FAM186A: variants seen among roughly 807,000 people sequenced by gnomAD.
The protein encoded by FAM186A is family with sequence similarity 186 member A.
A neutral mutation model predicts 216.8 loss-of-function variants in FAM186A; 163 were observed. The observed-to-expected ratio is 0.75, with a 90% CI of 0.66 to 0.86. FAM186A has a LOEUF of 0.86. Among genes scored for constraint, FAM186A ranks in the 40% least tolerant of loss-of-function variants. The pLI is 0.00. For missense variants in FAM186A, 2,184 were observed against 2,746.2 expected (o/e 0.80, Z 4.58); for synonymous variants, 805 against 1,025.3 (o/e 0.79, Z 4.10).
chr12:50,337,940 A>G (rs1230462986), intron 4 of FAM186A, among the ~76,000 whole-genome samples: 1 of 152,078 alleles, frequency 6.6e-6, no homozygotes, highest in Non-Finnish European at 1.5e-5. Flanking sequence ...TGAGCATTCA[A>G]TCCAGTAGTA....
Position 50,354,602 on chromosome 12 carries a change from G to A in FAM186A, c.2230C>T (p.Gln744Ter), listed in dbSNP as rs1289985887. Residue 744 changes from glutamine (Q) to a stop codon, truncating the protein, a stop_gained, in exon 4 of 8, where the codon CAA becomes TAA. Transcript: ENST00000327337. LOFTEE classifies it high-confidence loss of function. ...RKYKDTKKEE[Q>*]VGEKPIKQKK... ...TGTTTTATAGGTTTCTCTCCAACTT[G>A]TTCTTCCTTTTTTGTATCTTTGTAT... 2.6e-6 allele frequency: 4 copies of A among 1,548,348 alleles called. No individual in the cohort carries two copies. Among genetic ancestry groups the A allele is most frequent in the East Asian group, 2.4e-5 (1 of 40,884 alleles).
chr12:50,390,726 G>C (rs77449845), intron 1 of FAM186A, among the ~76,000 whole-genome samples: 1 of 152,134 alleles, frequency 6.6e-6, no homozygotes, highest in African/African-American at 2.4e-5. Flanking sequence ...TGATCACAGA[G>C]CTCTTCAAGG....
At chr12:50,345,486 A>T (rs183005174) in intron 4 of FAM186A, among the ~76,000 whole-genome samples, 1 of 152,352 alleles carries the variant, frequency 6.6e-6, no homozygotes, top group East Asian at 1.9e-4. Context: ...TTGAGGTCTT[A>T]CATTTAAATC....
chr12:50,355,736 T>C lies in FAM186A; in HGVS notation c.1096A>G (p.Lys366Glu), dbSNP rs2136094398. 1.9e-6 allele frequency: 3 copies of C among 1,551,666 alleles called. No homozygotes were observed. The highest frequency in any genetic ancestry group is 2.6e-6 in the Non-Finnish European group (3 of 1,146,980). ...PSPQSSRAII[K>E]VGDTEDNMDN... ...ATATTGTCCTCAGTATCACCAACTT[T>C]GATTATCGCCCTGGATGACTGTGGA... is the stretch of plus-strand genomic sequence containing the variant. The change falls in exon 4 of 8, where the codon AAA becomes GAA. Residue 366 changes from lysine to glutamate, a missense_variant. By Grantham distance (56) the Lys-to-Glu change is moderately conservative. This residue lies in a region of FAM186A where 1,132 missense variants were observed against 1,263.4 expected (regional missense o/e 0.90). Transcript: ENST00000327337.
At chr12:50,349,232 G>T (rs1181499385) in intron 4 of FAM186A, among the ~76,000 whole-genome samples, 4 of 143,794 alleles carry the variant, frequency 2.8e-5, no homozygotes, top group African/African-American at 1.0e-4. Flanking sequence ...TTTTCCCTGA[G>T]ACTGGGTCTT....
chr12:50,382,876 T>C (rs1943265861), intron 1 of FAM186A, among the ~76,000 whole-genome samples: 1 of 152,136 alleles, frequency 6.6e-6, no homozygotes, highest in Non-Finnish European at 1.5e-5. Context: ...TGTAATTTTG[T>C]ATCCTAACAT....
rs75533952 is a variant in FAM186A at position 50,351,632 on chromosome 12, G to C, written c.5200C>G (p.Pro1734Ala). 2,212 of 1,551,548 alleles carry C rather than the reference G, an allele frequency of 1.4e-3. 30 individuals are homozygous for C. The African/African-American group carries it at 0.028, about 19-fold the overall frequency. The change falls in exon 4 of 8, where the codon CCA (proline) becomes GCA (alanine). Residue 1734 changes from proline to alanine, a missense_variant. By Grantham distance (27) the Pro-to-Ala change is conservative (BLOSUM62 -1). This residue lies in a region of FAM186A where 721 missense variants were observed against 816.4 expected (regional missense o/e 0.88). Transcript: ENST00000327337. ...TGQSIISRLS[P>A]SLRLSLASSA... ...GATGCCAGGGACAGCCTAAGACTTG[G>C]AGACAATCTTGATATGATGGATTGC...
intron 1 of FAM186A, among the ~76,000 whole-genome samples, chr12:50,383,217 C>T (rs1052902091): frequency 8.2e-6 from 1 of 121,668 alleles, no homozygotes; most frequent in Non-Finnish European, 1.6e-5. Flanking sequence ...AGCCACTGCA[C>T]ACCAGCCTGG....
intron 4 of FAM186A, among the ~76,000 whole-genome samples, chr12:50,337,962 A>T (rs1361439649): frequency 3.3e-5 from 5 of 152,152 alleles, no homozygotes; most frequent in Non-Finnish European, 7.3e-5. Flanking sequence ...CCATGGGGGT[A>T]TCTTATTATT....
chr12:50,331,009 TAG>T (rs1942651441), intron 6 of FAM186A, among the ~76,000 whole-genome samples: 1 of 152,118 alleles, frequency 6.6e-6, no homozygotes, highest in Non-Finnish European at 1.5e-5. Context: ...CTTCATGGCG[TAG>T]AGAGACCACA....
chr12:50,354,045 G>A lies in FAM186A; in HGVS notation c.2787C>T (p.Thr929=), dbSNP rs894595366. Reference sequence around the variant, plus strand: ...GCAACCCTTGTGTTTTCATTTTTTGGGTCCCTTCTTCCAGCCGCTGCAGGC... The same window carrying A: ...GCAACCCTTGTGTTTTCATTTTTTGAGTCCCTTCTTCCAGCCGCTGCAGGC... The part of the protein sequence containing the change: ...KSSLQRLEEG[T]QKMKTQGLLL... Residue 929 remains threonine (T), a synonymous_variant, in exon 4 of 8, where the codon ACC becomes ACT. Coordinates refer to ENST00000327337, the MANE Select transcript of FAM186A (RefSeq NM_001145475.3). The A allele has an allele frequency of 1.7e-5, 26 of 1,551,322 alleles. No individual in the cohort carries two copies. The Admixed American group carries it at 5.1e-4, about 30-fold the overall frequency.
At chr12:50,366,626 C>CAAAAAAAAAAAAAA (rs61606774) in intron 1 of FAM186A, among the ~76,000 whole-genome samples, 1 of 49,388 alleles carries the variant, frequency 2.0e-5, no homozygotes, top group Non-Finnish European at 3.6e-5. Flanking sequence ...ATAGAATGAC[C>CAAAAAAAAAAAAAA]AAAAAAAAAA....
chr12:50,361,002 G>A, intron 2 of FAM186A, 76 bp from the exon 3 acceptor site: 7 of 1,101,854 alleles, frequency 6.4e-6, no homozygotes, highest in Non-Finnish European at 6.3e-6. Context: ...TATAATATTG[G>A]GTAACTACTC....
At position 50,374,045 on chromosome 12, in the gene FAM186A, G is replaced by A. The variant is rs536239631; in HGVS notation, c.193-10681C>T. Among the ~76,000 whole-genome samples, 186 of 150,772 alleles carry A rather than the reference G, an allele frequency of 1.2e-3. 2 individuals are homozygous for A. The highest frequency in any genetic ancestry group is 4.2e-3 in the African/African-American group (172 of 41,080). ...AAATCATCATTCTCAGTAAACTATC[G>A]CAAGAACAAAAAACCAAACACCGCA... On this transcript the variant is annotated intron_variant, in intron 1 of 7. Transcript: ENST00000327337.
At chr12:50,332,162 A>G (rs1012768777) in intron 5 of FAM186A, among the ~76,000 whole-genome samples, 1 of 152,242 alleles carries the variant, frequency 6.6e-6, no homozygotes, top group Non-Finnish European at 1.5e-5. Context: ...GTATATATGG[A>G]AGCACTTTAT....
chr12:50,332,301 T>G (rs576069141), intron 5 of FAM186A, among the ~76,000 whole-genome samples: 61 of 152,348 alleles, frequency 4.0e-4, no homozygotes, highest in African/African-American at 1.4e-3. Flanking sequence ...TTATGCGGTA[T>G]GTCTTATAAT....
chr12:50,369,701 A>C (rs10876027), intron 1 of FAM186A, among the ~76,000 whole-genome samples: 75,077 of 151,676 alleles, frequency 0.49, 22,090 homozygotes, highest in Non-Finnish European at 0.64. Context: ...CAAAAAACCC[A>C]AATAGGCTGT....
intron 1 of FAM186A, chr12:50,392,496 G>C (rs909906480): frequency 3.3e-5 from 5 of 152,074 alleles, no homozygotes; most frequent in South Asian, 2.1e-4. Context: ...AGCCAGGATG[G>C]TCTCGATCTC....
In FAM186A at chr12:50,396,377, C is replaced by T. The variant is rs192954167; in HGVS notation, c.108G>A (p.Leu36=). The T allele has an allele frequency of 5.2e-6, 8 of 1,551,608 alleles. No homozygotes were observed. In the East Asian group the frequency reaches 1.2e-4, roughly 24 times the overall value. ...ATGGGATCTCAAGGTTAGGGAGCAT[C>T]AAAGGACTAAGGATATTTTGGGGCT... The part of the protein sequence containing the change: ...RREPQNILSP[L]MLPNLEIPFS... Residue 36 remains leucine (L), a synonymous_variant, in exon 1 of 8, where the codon TTG becomes TTA. Coordinates refer to ENST00000327337, the MANE Select transcript of FAM186A (RefSeq NM_001145475.3).
Sources: gnomAD v4.1 joint callset for allele counts (sites outside exome capture counted in the v4.1 genomes callset) on GRCh38, gnomAD v4.1.1 for gene constraint, gnomAD v4.1.1 regional missense constraint, MANE v1.5 for transcripts, NCBI Gene and HGNC (gene_info 2026-07-23, HGNC 2026-07-21) for gene names.